LMNB2: variants seen among roughly 807,000 people sequenced by gnomAD.
LMNB2 encodes lamin-B2.
A neutral mutation model predicts 69.3 loss-of-function variants in LMNB2; 17 were observed. The observed-to-expected ratio is 0.25, with a 90% CI of 0.17 to 0.37. LMNB2 has a LOEUF of 0.37. Among genes scored for constraint, LMNB2 ranks in the 10% least tolerant of loss-of-function variants. The pLI is 1.00. For synonymous variants in LMNB2, 397 were observed against 389.3 expected, an observed-to-expected ratio of 1.02 and a Z score of -0.23; for missense variants, 789 against 883.6, an observed-to-expected ratio of 0.89 and a Z score of 1.36.
rs79238408 is a variant in LMNB2, at chr19:2,453,596, A to G, written c.264+3074T>C. Among the ~76,000 whole-genome samples, 4,586 of 152,128 alleles carry G rather than the reference A, an allele frequency of 0.03. 254 individuals carry two copies. The highest frequency in any genetic ancestry group is 0.1 in the African/African-American group (4,353 of 41,482). On this transcript the variant is annotated intron_variant, in intron 1 of 11. Coordinates refer to ENST00000325327, the MANE Select transcript of LMNB2 (RefSeq NM_032737.4). This position sits in a 1 kb window ranked among gnomAD's most constrained non-coding sequence, Gnocchi z 4.4. Reference sequence around the variant, plus strand: ...CACGGCTGGGTGACAGGGCTCACGGAGGGGCCAGTGTGTCACCTGCTAAAT... The same window carrying G: ...CACGGCTGGGTGACAGGGCTCACGGGGGGGCCAGTGTGTCACCTGCTAAAT...
intron 1 of LMNB2, among the ~76,000 whole-genome samples, chr19:2,449,340 G>A (rs111378846): frequency 4.5e-4 from 68 of 152,338 alleles, no homozygotes; most frequent in African/African-American, 1.3e-3. Context: ...ATCCGGGAGT[G>A]TGGGAGTGCA....
rs200702267 is a variant in LMNB2 at position 2,432,527 on chromosome 19, G to A, written c.1483-4C>T. ...TCCAGTTCCCCAGAGACTGATCCTG[G>A]AAGACACGGCACACACCTGACCCTC... is the stretch of plus-strand genomic sequence containing the variant. On this transcript the variant is annotated splice_region_variant and splice_polypyrimidine_tract_variant and intron_variant, in intron 8 of 11. Transcript: ENST00000325327. The A allele has an allele frequency of 1.4e-5, 22 of 1,610,756 alleles. No individual in the cohort carries two copies. In the African/African-American group the frequency reaches 2.7e-4, roughly 20 times the overall value.
chr19:2,451,436 C>CT (rs1482221196), intron 1 of LMNB2, among the ~76,000 whole-genome samples: 3 of 152,208 alleles, frequency 2.0e-5, no homozygotes, highest in Admixed American at 2.0e-4. Flanking sequence ...ACAGTCTGGC[C>CT]TTTTTTAGAA....
At chr19:2,452,183 GAC>G (rs1191118779) in intron 1 of LMNB2, among the ~76,000 whole-genome samples, 1 of 152,054 alleles carries the variant, frequency 6.6e-6, no homozygotes, top group Non-Finnish European at 1.5e-5. Context: ...ACCGCCAAAA[GAC>G]ACCCCCTAGT....
At chr19:2,431,728 G>C (rs2145444458) in intron 10 of LMNB2, 55 bp downstream of exon 10, 2 of 1,613,568 alleles carry the variant, frequency 1.2e-6, no homozygotes, top group South Asian at 2.2e-5. Context: ...CCCCGAGGGT[G>C]CCCAGACCCT....
intron 4 of LMNB2, 72 bp downstream of exon 4, chr19:2,438,091 C>A: frequency 2.5e-6 from 4 of 1,602,902 alleles, no homozygotes; most frequent in Non-Finnish European, 3.4e-6. Flanking sequence ...CTCAGGCTTC[C>A]GCCCTCCACA....
rs936402551 is a variant in LMNB2 at position 2,437,712 on chromosome 19, A to G, written c.684+451T>C. On this transcript the variant is annotated intron_variant, in intron 4 of 11. Coordinates refer to ENST00000325327, the MANE Select transcript of LMNB2 (RefSeq NM_032737.4). ...CTACTCGGGAGGCTGAGGCAGGAGA[A>G]TTGCTTGAACCTGGGAGGCGGAGGT... is the stretch of plus-strand genomic sequence containing the variant. Among the ~76,000 whole-genome samples the G allele has an allele frequency of 9.4e-5, 14 of 149,256 alleles. No individual in the cohort carries two copies. The South Asian group carries it at 2.1e-3, about 22-fold the overall frequency.
Position 2,434,981 on chromosome 19 carries a change from C to T in LMNB2, c.855+20G>A. 1 of 1,600,582 alleles carries T rather than the reference C, an allele frequency of 6.2e-7. No homozygotes were observed. Among genetic ancestry groups the T allele is most frequent in the Non-Finnish European group, 8.5e-7 (1 of 1,177,742 alleles). ...GGGGTTCCCACCGGCCGCCCCCGCC[C>T]ACCCGCCTGCCGGCCACACCTTGGC... On this transcript the variant is annotated intron_variant, in intron 5 of 11. Coordinates refer to ENST00000325327, the MANE Select transcript of LMNB2 (RefSeq NM_032737.4).
rs375038177 is a variant in LMNB2, at chr19:2,431,592, C to T, written c.1777G>A (p.Glu593Lys). The T allele has an allele frequency of 4.3e-6, 7 of 1,614,048 alleles. No individual in the cohort carries two copies. Among genetic ancestry groups the T allele is most frequent in the Non-Finnish European group, 5.9e-6 (7 of 1,179,996 alleles). The stretch of plus-strand genomic sequence containing the variant: ...TCCTCGCCAAACTCGGCTTCCTCCT[C>T]CTCTTCCTCCCCATTCTCATTCTCA... ...MRENENGEEE[E>K]EEAEFGEEDL... The change falls in exon 11 of 12, where the codon GAG (glutamate) becomes AAG (lysine). Residue 593 changes from glutamate to lysine, a missense_variant. Coordinates refer to ENST00000325327, the MANE Select transcript of LMNB2 (RefSeq NM_032737.4).
At chr19:2,433,801 C>T (rs1305973443) in intron 8 of LMNB2, 25 bp downstream of exon 8, 1 of 1,612,924 alleles carries the variant, frequency 6.2e-7, no homozygotes, top group Non-Finnish European at 8.5e-7. Context: ...CCCCGTTACC[C>T]CCATGCCCCG....
intron 8 of LMNB2, 148 bp from the exon 9 acceptor site, chr19:2,432,671 A>T (rs1442848231): frequency 2.9e-5 from 21 of 732,102 alleles, no homozygotes; most frequent in Non-Finnish European, 4.4e-5. Flanking sequence ...CATTCCAGTC[A>T]CCTTGTCCCC....
At chr19:2,451,463 GC>G (rs1289887376) in intron 1 of LMNB2, among the ~76,000 whole-genome samples, 1 of 152,224 alleles carries the variant, frequency 6.6e-6, no homozygotes, top group Non-Finnish European at 1.5e-5. Flanking sequence ...TGCTGACCAT[GC>G]CTGGTCTGCC....
At chr19:2,431,433 C>T in intron 11 of LMNB2, 115 bp downstream of exon 11, 1 of 1,354,518 alleles carries the variant, frequency 7.4e-7, no homozygotes, top group Non-Finnish European at 1.1e-6. Context: ...TGAGCCACGG[C>T]AGCCAGATGG....
chr19:2,456,739 G>A lies in LMNB2; in HGVS notation c.195C>T (p.Arg65=). 1 of 1,565,206 alleles carries A rather than the reference G, an allele frequency of 6.4e-7. No homozygotes were observed. The highest frequency in any genetic ancestry group is 2.5e-5 in the East Asian group (1 of 39,668). ...GCCGGTCGTTCTCCAGCTCCAGCGC[G>A]CGGACGCGGTCGATGTAGTGCGCCA... is the stretch of plus-strand genomic sequence containing the variant. ...DRLAHYIDRV[R]ALELENDRLL... is the part of the protein sequence containing the mutation. Residue 65 remains arginine (R), a synonymous_variant, in exon 1 of 12, where the codon CGC becomes CGT. Transcript: ENST00000325327.
rs1052009064 is a variant in LMNB2 at position 2,456,927 on chromosome 19, G to A, written c.7C>T (p.Pro3Ser). The change falls in exon 1 of 12, where the codon CCG becomes TCG. Residue 3 changes from proline to serine, a missense_variant. This residue lies in a region of LMNB2 where 35 missense variants were observed against 23.9 expected (regional missense o/e 1.47). Transcript: ENST00000325327. Reference protein sequence around the residue: MSPPSPGRRREQR... With the variant: MSSPSPGRRREQR... ...TCCCGACGGCGGCCCGGGCTCGGCG[G>A]GCTCATTCAATCCGCGCCGCCGGCT... 4 of 992,716 alleles carry A rather than the reference G, an allele frequency of 4.0e-6. No homozygotes were observed. Among genetic ancestry groups the A allele is most frequent in the Non-Finnish European group, 4.8e-6 (4 of 836,498 alleles). The allele number at this position is 992,716 out of a possible 1,614,324, so 61.5% of individuals were successfully genotyped here.
Position 2,453,740 on chromosome 19 carries a change from G to A in LMNB2, c.264+2930C>T, listed in dbSNP as rs764856638. On this transcript the variant is annotated intron_variant, in intron 1 of 11. Transcript: ENST00000325327. This position sits in a 1 kb window ranked among gnomAD's most constrained non-coding sequence, Gnocchi z 4.4. Reference sequence around the variant, plus strand: ...CAGGCTCCCTCTAGGGCACAGGGCCGGTCCAATGGGGCGTCCAGTGGGGCT... The same window carrying A: ...CAGGCTCCCTCTAGGGCACAGGGCCAGTCCAATGGGGCGTCCAGTGGGGCT... Among the ~76,000 whole-genome samples, 1 of 152,132 alleles carries A rather than the reference G, an allele frequency of 6.6e-6. No individual in the cohort carries two copies. Among genetic ancestry groups the A allele is most frequent in the African/African-American group, 2.4e-5 (1 of 41,418 alleles).
intron 4 of LMNB2, among the ~76,000 whole-genome samples, chr19:2,436,381 A>AAAAAC (rs370520046): frequency 0.013 from 2,012 of 151,676 alleles, 26 homozygotes; most frequent in East Asian, 0.045. Context: ...ACTCCATCTC[A>AAAAAC]AAAACAAAAC....
Position 2,444,515 on chromosome 19 carries a change from T to C in LMNB2, c.290A>G (p.Glu97Gly). The C allele has an allele frequency of 6.2e-7, 1 of 1,611,978 alleles. No individual in the cohort carries two copies. Among genetic ancestry groups the C allele is most frequent in the Non-Finnish European group, 8.5e-7 (1 of 1,180,014 alleles). The stretch of plus-strand genomic sequence containing the variant: ...TCTCCGGGCATCGGCCAGCTCCGAC[T>C]CGTACAGCGCCTTGATGCCACTCAC... ...REVSGIKALY[E>G]SELADARRVL... The change falls in exon 2 of 12, where the codon GAG (glutamate) becomes GGG (glycine). Residue 97 changes from glutamate (E) to glycine (G), a missense_variant. Glu to Gly is a moderately conservative substitution (Grantham distance 98). Around this residue, in one of 3 missense-constraint regions of LMNB2, gnomAD observed 145 missense variants for 228.9 expected, o/e 0.63. Coordinates refer to ENST00000325327, the MANE Select transcript of LMNB2 (RefSeq NM_032737.4).
Position 2,430,960 on chromosome 19 carries a change from A to G in LMNB2, c.1822-8T>C. On this transcript the variant is annotated splice_polypyrimidine_tract_variant and splice_region_variant and intron_variant, in intron 11 of 11. Transcript: ENST00000325327. The stretch of plus-strand genomic sequence containing the variant: ...GGTGGTCCTCGGGTCCCCCTGCAGG[A>G]AGGAAGGAAGGAAGGTCGGCCATGA... The G allele has an allele frequency of 6.4e-7, 1 of 1,572,118 alleles. No individual in the cohort carries two copies. The highest frequency in any genetic ancestry group is 8.7e-7 in the Non-Finnish European group (1 of 1,142,980).
Sources: allele counts gnomAD v4.1 joint callset (sites outside exome capture counted in the v4.1 genomes callset), GRCh38; gene constraint gnomAD v4.1.1; regional missense constraint gnomAD v4.1.1; non-coding constraint Gnocchi (gnomAD v3.1); transcripts MANE v1.5; gene names NCBI Gene and HGNC (gene_info 2026-07-23, HGNC 2026-07-21).